The following SGCD variants were observed in gnomAD, a reference collection of about 807,000 sequenced individuals.
SGCD encodes sarcoglycan delta, also known as delta-sarcoglycan.
SGCD carries 18 observed loss-of-function variants against 36.6 expected under a neutral mutation model. The ratio of observed to expected loss-of-function variants is 0.49; its 90% CI spans 0.34 to 0.73. SGCD has a LOEUF of 0.73. Among genes scored for constraint, SGCD ranks in the 30% least tolerant of loss-of-function variants. SGCD has a pLI of 0.01. For missense variants in SGCD, 387 were observed against 346.7 expected, an observed-to-expected ratio of 1.12 and a Z score of -0.92; for synonymous variants, 133 against 130.6, an observed-to-expected ratio of 1.02 and a Z score of -0.12.
chr5:156,298,214 G>A (rs1242092059), intron 3 of SGCD, among the ~76,000 whole-genome samples: 1 of 152,040 alleles, frequency 6.6e-6, no homozygotes, highest in East Asian at 1.9e-4. Context: ...CTAAGGCTTG[G>A]ATATTGTGAA....
the SGCD span, among the ~76,000 whole-genome samples, chr5:155,752,598 G>T: frequency 1.3e-5 from 2 of 152,074 alleles, no homozygotes; most frequent in African/African-American, 4.8e-5. Flanking sequence ...TCCTAGGCAG[G>T]TCTGATTCCT....
chr5:156,512,375 C>T (rs1013671415), intron 4 of SGCD, among the ~76,000 whole-genome samples: 5 of 152,082 alleles, frequency 3.3e-5, no homozygotes, highest in East Asian at 1.9e-4. Context: ...AGATACTTCC[C>T]GCTGTTCCAG....
In SGCD at chr5:156,233,186, T is replaced by A. The variant is rs550001881; in HGVS notation, c.-43-96348T>A. Among the ~76,000 whole-genome samples, 10 of 152,330 alleles carry A rather than the reference T, an allele frequency of 6.6e-5. No individual in the cohort carries two copies. The South Asian group carries it at 1.7e-3, about 25-fold the overall frequency. On this transcript the variant is annotated intron_variant, in intron 3 of 9. Transcript: ENST00000517913. ...AAAAATCCTACCTAAGAAAAATGAA[T>A]GTAGGCTATATCCACTGCCTTTGTA...
upstream of SGCD, among the ~76,000 whole-genome samples, chr5:156,323,884 C>T (rs551952355): frequency 3.2e-4 from 49 of 152,046 alleles, 1 homozygote; most frequent in Non-Finnish European, 1.6e-4. Context: ...AAGTGAGAAC[C>T]GAGTACAGTC....
intron 6 of SGCD, among the ~76,000 whole-genome samples, chr5:156,619,573 A>G (rs1459179800): frequency 6.6e-6 from 1 of 152,292 alleles, no homozygotes; most frequent in East Asian, 1.9e-4. Context: ...CTCCTTTCCT[A>G]TTAATTATAT....
chr5:155,856,868 G>A, the SGCD span, among the ~76,000 whole-genome samples: 2 of 152,192 alleles, frequency 1.3e-5, no homozygotes, highest in African/African-American at 2.4e-5. Context: ...AGGATGTGGA[G>A]CAACATGACT....
At chr5:156,475,525 A>T (rs1755142251) in intron 3 of SGCD, among the ~76,000 whole-genome samples, 1 of 152,202 alleles carries the variant, frequency 6.6e-6, no homozygotes, top group African/African-American at 2.4e-5. Context: ...TGGTTCTATC[A>T]TTTTGTTCCT....
At chr5:156,028,241 C>A (rs941445396) in intron 1 of SGCD, among the ~76,000 whole-genome samples, 2 of 152,116 alleles carry the variant, frequency 1.3e-5, no homozygotes, top group African/African-American at 4.8e-5. Flanking sequence ...GTAGAATGTG[C>A]GTTCAGCCCA....
the SGCD span, among the ~76,000 whole-genome samples, chr5:155,728,919 C>T: frequency 1.1e-4 from 16 of 152,354 alleles, no homozygotes; most frequent in Admixed American, 9.1e-4. Context: ...GAGCGAGACA[C>T]CAAGGCGTTT....
Position 156,588,830 on chromosome 5 carries a change from G to A in SGCD, c.295-401G>A, listed in dbSNP as rs529944881. Among the ~76,000 whole-genome samples, 77 of 152,280 alleles carry A rather than the reference G, an allele frequency of 5.1e-4. 1 individual carries two copies. Among genetic ancestry groups the A allele is most frequent in the African/African-American group, 1.8e-3 (74 of 41,550 alleles). ...CTGCTCTTCTATAAGGACTCTGCAT[G>A]GGTCTTTTGAAGAAAGGATGACATT... On this transcript the variant is annotated intron_variant, in intron 4 of 8. Transcript: ENST00000337851.
intron 1 of SGCD, among the ~76,000 whole-genome samples, chr5:156,081,869 G>A (rs1760963413): frequency 1.3e-5 from 2 of 152,144 alleles, no homozygotes; most frequent in South Asian, 2.1e-4. Flanking sequence ...CAGAGTGATT[G>A]CCCCACTATG....
intron 3 of SGCD, among the ~76,000 whole-genome samples, chr5:156,312,763 T>C (rs1767421155): frequency 6.6e-6 from 1 of 152,148 alleles, no homozygotes. Context: ...AAGTAATACA[T>C]GAAAAGCATT....
At chr5:156,391,101 C>T (rs1040213862) in intron 3 of SGCD, among the ~76,000 whole-genome samples, 6 of 152,286 alleles carry the variant, frequency 3.9e-5, no homozygotes, top group Middle Eastern at 6.8e-3. Flanking sequence ...CAAGAAAGTG[C>T]CCTATACAGG....
At chr5:156,051,699 A>G (rs1376820492) in intron 1 of SGCD, among the ~76,000 whole-genome samples, 1 of 146,050 alleles carries the variant, frequency 6.8e-6, no homozygotes, top group Non-Finnish European at 1.5e-5. Context: ...AAACTAAACA[A>G]ACAAATATAT....
At chr5:155,812,918 G>A in the SGCD span, among the ~76,000 whole-genome samples, 1 of 152,152 alleles carries the variant, frequency 6.6e-6, no homozygotes, top group African/African-American at 2.4e-5. Context: ...GTTGTGTTTT[G>A]TGCAGAGGAA....
chr5:156,410,944 A>C (rs1772714345), intron 3 of SGCD, among the ~76,000 whole-genome samples: 2 of 152,206 alleles, frequency 1.3e-5, no homozygotes, highest in South Asian at 4.1e-4. Context: ...AAAGGATTTA[A>C]GATTGTTACT....
intron 1 of SGCD, among the ~76,000 whole-genome samples, chr5:155,884,480 C>A (rs181437287): frequency 6.6e-6 from 1 of 152,168 alleles, no homozygotes; most frequent in Non-Finnish European, 1.5e-5. Context: ...TTTCACTTAA[C>A]GACTTTGCTG....
the SGCD span, among the ~76,000 whole-genome samples, chr5:155,797,830 G>C: frequency 6.6e-6 from 1 of 152,148 alleles, no homozygotes; most frequent in Non-Finnish European, 1.5e-5. Flanking sequence ...AACCACCTTT[G>C]CAAGTGGAAA....
chr5:156,736,156 A>G (rs1736329996), intron 7 of SGCD, among the ~76,000 whole-genome samples: 1 of 151,784 alleles, frequency 6.6e-6, no homozygotes, highest in African/African-American at 2.4e-5. Context: ...GACTGTCTGG[A>G]TGTGTCAGTT....
Sources: allele counts gnomAD v4.1 joint callset (sites outside exome capture counted in the v4.1 genomes callset), GRCh38; gene constraint gnomAD v4.1.1; transcripts MANE v1.5; gene names NCBI Gene and HGNC (gene_info 2026-07-23, HGNC 2026-07-21).